KEL: variants seen among roughly 807,000 people sequenced by gnomAD.
The protein encoded by KEL is kell blood group glycoprotein.
In KEL, 96 loss-of-function variants were observed where a neutral mutation model predicts 99.5. The ratio of observed to expected loss-of-function variants is 0.97; its 90% CI spans 0.82 to 1.14. The LOEUF (loss-of-function observed/expected upper bound fraction) is 1.14, where lower values mean the gene tolerates loss of function less well. Among genes scored for constraint, KEL ranks in the 50% most tolerant of loss-of-function variants. KEL has a pLI of 0.00. For synonymous variants in KEL, 355 were observed against 354.8 expected, an observed-to-expected ratio of 1.00 and a Z score of -0.01; for missense variants, 926 against 924.2, an observed-to-expected ratio of 1.00 and a Z score of -0.03.
chr7:142,945,901 T>C (rs1405906665), intron 11 of KEL, among the ~76,000 whole-genome samples: 2 of 152,332 alleles, frequency 1.3e-5, no homozygotes, highest in East Asian at 1.9e-4. Flanking sequence ...GTGCTGGGAT[T>C]ACAGGTGTGA....
chr7:142,944,460 C>T (rs1489499127), intron 12 of KEL, 60 bp from the exon 13 acceptor site: 1 of 1,421,010 alleles, frequency 7.0e-7, no homozygotes, highest in Non-Finnish European at 1.0e-6. Flanking sequence ...GGAAATTTCT[C>T]CCACTCGTTG....
At chr7:142,943,225 C>T in intron 16 of KEL, 51 bp downstream of exon 16, 1 of 1,601,874 alleles carries the variant, frequency 6.2e-7, no homozygotes, top group Non-Finnish European at 8.5e-7. Flanking sequence ...CCCTTGTGGT[C>T]TTCCCTTAGG....
intron 10 of KEL, 152 bp from the exon 11 acceptor site, chr7:142,946,469 A>C: frequency 1.5e-6 from 1 of 684,656 alleles, no homozygotes; most frequent in South Asian, 1.6e-5. Flanking sequence ...GGTGATGCAC[A>C]TCACCGATCA....
At chr7:142,951,284 C>G (rs1393510827) in intron 10 of KEL, among the ~76,000 whole-genome samples, 1 of 152,202 alleles carries the variant, frequency 6.6e-6, no homozygotes, top group Admixed American at 6.5e-5. Context: ...GGCCATGGTG[C>G]TGGCATTTAT....
intron 4 of KEL, among the ~76,000 whole-genome samples, chr7:142,960,252 C>A (rs1214742655): frequency 6.6e-6 from 1 of 152,206 alleles, no homozygotes. Context: ...ACCATCCTAC[C>A]CCTTTCATTC....
intron 10 of KEL, among the ~76,000 whole-genome samples, chr7:142,951,100 C>T (rs1049927714): frequency 2.6e-5 from 4 of 152,192 alleles, no homozygotes; most frequent in Non-Finnish European, 5.9e-5. Context: ...GGTGAAGTGG[C>T]GTCCCCAAGG....
intron 6 of KEL, among the ~76,000 whole-genome samples, chr7:142,956,734 G>A (rs1349210434): frequency 6.6e-6 from 1 of 152,124 alleles, no homozygotes; most frequent in Admixed American, 6.5e-5. Context: ...TCCTCTCTGA[G>A]CCTCTCCTTA....
chr7:142,944,757 C>G lies in KEL; in HGVS notation c.1315-16G>C. 6.3e-7 allele frequency: 1 copy of G among 1,595,196 alleles called. No homozygotes were observed. Among genetic ancestry groups the G allele is most frequent in the African/African-American group, 1.3e-5 (1 of 74,674 alleles). On this transcript the variant is annotated splice_polypyrimidine_tract_variant and intron_variant, in intron 11 of 18. Coordinates refer to ENST00000355265, the MANE Select transcript of KEL (RefSeq NM_000420.3). ...ATTTCATGGCCTGTGGGAGTGAGGTCCAGGGACAGGGGGACAGGATCAGGA... is the reference window on the plus strand; with the variant it reads ...ATTTCATGGCCTGTGGGAGTGAGGTGCAGGGACAGGGGGACAGGATCAGGA...
chr7:142,945,898 G>T (rs7780729), intron 11 of KEL, among the ~76,000 whole-genome samples: 7,931 of 152,244 alleles, frequency 0.052, 435 homozygotes, highest in African/African-American at 0.14. Context: ...AAAGTGCTGG[G>T]ATTACAGGTG....
chr7:142,941,165 A>G lies in KEL; in HGVS notation c.*87T>C. 1.4e-6 allele frequency: 2 copies of G among 1,457,132 alleles called. No individual in the cohort carries two copies. Among genetic ancestry groups the G allele is most frequent in the Admixed American group, 1.7e-5 (1 of 59,336 alleles). The allele number at this position is 1,457,132 out of a possible 1,614,324, so 90.3% of individuals were successfully genotyped here. On this transcript the variant is annotated 3_prime_UTR_variant, in exon 19 of 19. Coordinates refer to ENST00000355265, the MANE Select transcript of KEL (RefSeq NM_000420.3). ...CAGCTTTTATTTTTGGAACAGAAGC[A>G]GAAAGGAAATCTTGCTCTGATTCCA...
intron 11 of KEL, chr7:142,944,966 G>A (rs575199139): frequency 2.6e-5 from 16 of 607,830 alleles, no homozygotes; most frequent in African/African-American, 2.6e-4. Context: ...ATCCGTGAGG[G>A]CCATCAGGGA....
chr7:142,953,299 C>T, intron 9 of KEL: 1 of 928,400 alleles, frequency 1.1e-6, no homozygotes, highest in South Asian at 4.9e-5. Flanking sequence ...GACATTGTTT[C>T]CCATAAGAGC....
chr7:142,951,006 G>T (rs1796672477), intron 10 of KEL, among the ~76,000 whole-genome samples: 1 of 152,184 alleles, frequency 6.6e-6, no homozygotes, highest in South Asian at 2.1e-4. Flanking sequence ...CCTGTCCCAA[G>T]TGCTGACAGA....
At position 142,944,666 on chromosome 7, in the gene KEL, T is replaced by C. The variant is rs745934418; in HGVS notation, c.1390A>G (p.Thr464Ala). 1.8e-5 allele frequency: 29 copies of C among 1,613,960 alleles called. No individual in the cohort carries two copies. The highest frequency in any genetic ancestry group is 2.4e-5 in the Non-Finnish European group (28 of 1,179,930). Residue 464 changes from threonine (T) to alanine (A), a missense_variant, in exon 12 of 19, where the codon ACC becomes GCC. Transcript: ENST00000355265. ...ACCTTGTCCTGGGCCATGTTCTGGGTCTCCTCATTCATCCAGGGAAGGTTT... is the reference window on the plus strand; with the variant it reads ...ACCTTGTCCTGGGCCATGTTCTGGGCCTCCTCATTCATCCAGGGAAGGTTT... ...LRNLPWMNEE[T>A]QNMAQDKVAQ...
At chr7:142,946,860 C>T (rs1002023817) in intron 10 of KEL, among the ~76,000 whole-genome samples, 7 of 152,118 alleles carry the variant, frequency 4.6e-5, no homozygotes, top group Admixed American at 6.5e-5. Context: ...GTTTTAGATG[C>T]CATATTGTTT....
chr7:142,954,121 G>A, intron 8 of KEL, 63 bp downstream of exon 8: 1 of 1,500,936 alleles, frequency 6.7e-7, no homozygotes, highest in Non-Finnish European at 9.2e-7. Context: ...AAGAAGGAAA[G>A]GAGGTAATGT....
chr7:142,954,089 A>C, intron 8 of KEL, 95 bp downstream of exon 8: 1 of 1,421,302 alleles, frequency 7.0e-7, no homozygotes, highest in South Asian at 1.2e-5. Context: ...CAGAATGAAA[A>C]GGTATTAAGG....
chr7:142,962,065 C>T (rs13310398), intron 1 of KEL, 139 bp downstream of exon 1: 1 of 1,611,490 alleles, frequency 6.2e-7, no homozygotes, highest in South Asian at 1.1e-5. Flanking sequence ...TTCTCGATCC[C>T]TCTCCCATTA....
rs536643207 is a variant in KEL, at chr7:142,954,851, C to T, written c.673-324G>A. 2.6e-5 allele frequency among the ~76,000 whole-genome samples: 4 copies of T among 152,264 alleles called. No individual in the cohort carries two copies. The East Asian group carries it at 7.7e-4, about 29-fold the overall frequency. On this transcript the variant is annotated intron_variant, in intron 6 of 18. Transcript: ENST00000355265. Reference sequence around the variant, plus strand: ...GGCCAGGGTGAGTGAGGTGAGGAACCTGTCCCAGGTACAAAATCTAAGAGG... The same window carrying T: ...GGCCAGGGTGAGTGAGGTGAGGAACTTGTCCCAGGTACAAAATCTAAGAGG...
Sources: gnomAD v4.1 joint callset for allele counts (sites outside exome capture counted in the v4.1 genomes callset) on GRCh38, gnomAD v4.1.1 for gene constraint, MANE v1.5 for transcripts, NCBI Gene and HGNC (gene_info 2026-07-23, HGNC 2026-07-21) for gene names.